Variants in SYNE3 observed in about 807,000 individuals in gnomAD.
SYNE3 encodes the protein nesprin-3.
A neutral mutation model predicts 111.2 loss-of-function variants in SYNE3; 100 were observed. That is an observed-to-expected ratio of 0.90 (90% CI 0.77 to 1.06). The LOEUF (loss-of-function observed/expected upper bound fraction) is 1.06, where lower values mean the gene tolerates loss of function less well. SYNE3 is among the 50% of genes least tolerant of loss of function. The pLI is 0.00. For synonymous variants in SYNE3, 547 were observed against 533.9 expected (o/e 1.02, Z -0.34); for missense variants, 1,160 against 1,240.3 (o/e 0.94, Z 0.97).
chr14:95,407,351 A>G lies in SYNE3; in HGVS notation c.*10475T>C, dbSNP rs2139309989. 1 of 152,316 alleles carries G rather than the reference A, an allele frequency of 6.6e-6. No homozygotes were observed. The highest frequency in any genetic ancestry group is 2.4e-5 in the African/African-American group (1 of 41,570). The allele number at this position is 152,316 out of a possible 1,614,324, so 9.4% of individuals were successfully genotyped here. ...CATAAAACAACAGCAAAAACGTCAA[A>G]CCATCTTTTAGAACACTGCTACTTC... is the stretch of plus-strand genomic sequence containing the variant. On this transcript the variant is annotated 3_prime_UTR_variant, in exon 18 of 18. Transcript: ENST00000682763.
intron 1 of SYNE3, among the ~76,000 whole-genome samples, chr14:95,515,959 C>T (rs1470597680): frequency 6.6e-6 from 1 of 152,218 alleles, no homozygotes; most frequent in Non-Finnish European, 1.5e-5. Context: ...CAGGGGAAGT[C>T]AACATCCATC....
rs71132351 is a variant in SYNE3, at chr14:95,479,224, C to CAAAAAAAAAAAAAAAAAAA, written c.-14-3408_-14-3390dup. ...CAGCATAGTGAGACCTCGTCTCTACCAAAAAAAAAAAAAAAAAAAAAAAAA... is the reference window on the plus strand; with the variant it reads ...CAGCATAGTGAGACCTCGTCTCTACCAAAAAAAAAAAAAAAAAAAAAAAAAAAAAAAAAAAAAAAAAAAA... On this transcript the variant is annotated intron_variant, in intron 1 of 17. Coordinates refer to ENST00000682763, the MANE Select transcript of SYNE3 (RefSeq NM_152592.6). Among the ~76,000 whole-genome samples the CAAAAAAAAAAAAAAAAAAA allele has an allele frequency of 3.7e-4, 32 of 86,294 alleles. 2 individuals are homozygous for CAAAAAAAAAAAAAAAAAAA. The Admixed American group carries it at 3.9e-3, about 11-fold the overall frequency. The allele number at this position is 86,294 out of a possible 152,430, so 56.6% of individuals were successfully genotyped here.
chr14:95,488,721 G>GAGAGGAGAGA (rs1889683840), intron 1 of SYNE3, among the ~76,000 whole-genome samples: 1 of 114,056 alleles, frequency 8.8e-6, no homozygotes, highest in African/African-American at 3.6e-5. Flanking sequence ...GAGAGGAGAG[G>GAGAGGAGAGA]AGAGGAGAGG....
intron 16 of SYNE3, 32 bp from the exon 17 acceptor site, chr14:95,432,149 G>A (rs770330739): frequency 2.9e-5 from 47 of 1,599,518 alleles, no homozygotes; most frequent in Non-Finnish European, 3.8e-5. Flanking sequence ...GGAAAAGGGG[G>A]GAAAAAAATA....
At chr14:95,494,876 G>A (rs541402438) in intron 1 of SYNE3, among the ~76,000 whole-genome samples, 1 of 152,130 alleles carries the variant, frequency 6.6e-6, no homozygotes, top group Non-Finnish European at 1.5e-5. Flanking sequence ...ACTTTGGGAG[G>A]CTGAGGTGTG....
chr14:95,484,508 T>G (rs1014109181), intron 1 of SYNE3, among the ~76,000 whole-genome samples: 6 of 152,154 alleles, frequency 3.9e-5, no homozygotes, highest in African/African-American at 1.4e-4. Context: ...GCACTGGCCA[T>G]CTGCTGCAGG....
chr14:95,422,838 C>A (rs982632873), intron 17 of SYNE3, among the ~76,000 whole-genome samples: 1 of 152,346 alleles, frequency 6.6e-6, no homozygotes, highest in South Asian at 2.1e-4. Flanking sequence ...CTGGCTTCCT[C>A]CTCCTGGGTG....
chr14:95,493,664 A>G (rs1889950445), intron 1 of SYNE3, among the ~76,000 whole-genome samples: 1 of 152,178 alleles, frequency 6.6e-6, no homozygotes, highest in Non-Finnish European at 1.5e-5. Context: ...TGCCTGGGAG[A>G]AGAGGGGTGG....
intron 1 of SYNE3, among the ~76,000 whole-genome samples, chr14:95,508,241 G>A (rs1441681508): frequency 6.6e-6 from 1 of 152,248 alleles, no homozygotes; most frequent in African/African-American, 2.4e-5. Context: ...GGGCTGTTGT[G>A]AGGATAAAGA....
chr14:95,441,502 A>C (rs1409420041), intron 11 of SYNE3, among the ~76,000 whole-genome samples: 1 of 152,248 alleles, frequency 6.6e-6, no homozygotes, highest in Non-Finnish European at 1.5e-5. Context: ...AAATAATAAA[A>C]GGGCAATTTC....
At chr14:95,474,289 T>TAGA (rs1888740824) in intron 2 of SYNE3, among the ~76,000 whole-genome samples, 1 of 152,216 alleles carries the variant, frequency 6.6e-6, no homozygotes, top group Admixed American at 6.5e-5. Flanking sequence ...CGGAAGGTTT[T>TAGA]AGAGGAAGAG....
rs1371959795 is a variant in SYNE3, at chr14:95,410,648, AC to A, written c.*7177del. On this transcript the variant is annotated 3_prime_UTR_variant, in exon 18 of 18. Coordinates refer to ENST00000682763, the MANE Select transcript of SYNE3 (RefSeq NM_152592.6). Reference sequence around the variant, plus strand: ...CAAAGCCTTGGCTCTGACATCCATAACCTGAGGAGACGATGCCAGCAACCGC... The same window carrying A: ...CAAAGCCTTGGCTCTGACATCCATAACTGAGGAGACGATGCCAGCAACCGC... The A allele has an allele frequency of 6.6e-6, 1 of 152,206 alleles. No homozygotes were observed. 9.4% of individuals were successfully genotyped at this position (152,206 alleles called of 1,614,324 possible). A position where few individuals can be genotyped will look rare whatever the true frequency, so the allele number is the denominator to read the frequency against.
In SYNE3 at chr14:95,473,020, G is replaced by A. The variant is rs978884736; in HGVS notation, c.144+2658C>T. ...AAGCACAAGAGAGACCCCAGCACCC[G>A]GGGGCAGGTCCCATGGGTAGGTCGA... On this transcript the variant is annotated intron_variant, in intron 2 of 17. Coordinates refer to ENST00000682763, the MANE Select transcript of SYNE3 (RefSeq NM_152592.6). Among the ~76,000 whole-genome samples, 9 of 152,202 alleles carry A rather than the reference G, an allele frequency of 5.9e-5. No homozygotes were observed. The South Asian group carries it at 6.2e-4, about 10-fold the overall frequency.
intron 1 of SYNE3, among the ~76,000 whole-genome samples, chr14:95,507,861 TG>T (rs1364373378): frequency 6.6e-6 from 1 of 152,094 alleles, no homozygotes; most frequent in Non-Finnish European, 1.5e-5. Context: ...GAGAAAAGGA[TG>T]TGGTCAGAGA....
chr14:95,421,850 G>A (rs561623774), intron 17 of SYNE3, among the ~76,000 whole-genome samples: 130 of 152,304 alleles, frequency 8.5e-4, no homozygotes, highest in Non-Finnish European at 1.6e-3. Context: ...AGGCTGTCCC[G>A]TGTGTCTGGA....
intron 15 of SYNE3, among the ~76,000 whole-genome samples, chr14:95,435,753 C>T (rs970276311): frequency 6.6e-6 from 1 of 152,062 alleles, no homozygotes; most frequent in Admixed American, 6.5e-5. Context: ...AATAGGGAAA[C>T]AGAAGTGAGC....
chr14:95,422,495 A>G lies in SYNE3; in HGVS notation c.2728-4469T>C, dbSNP rs574974961. Among the ~76,000 whole-genome samples the G allele has an allele frequency of 9.2e-5, 14 of 152,276 alleles. No homozygotes were observed. The South Asian group carries it at 2.9e-3, about 32-fold the overall frequency. On this transcript the variant is annotated intron_variant, in intron 17 of 17. Transcript: ENST00000682763. ...TCCCACGTGGCATTTCTCACAAGAA[A>G]CAGCAATTAGAACGACAACAAAAGT...
intron 6 of SYNE3, among the ~76,000 whole-genome samples, chr14:95,453,389 C>T (rs1022396091): frequency 2.0e-5 from 3 of 152,008 alleles, no homozygotes; most frequent in Non-Finnish European, 2.9e-5. Flanking sequence ...GGGTGACCCA[C>T]GGATGAACAG....
At chr14:95,435,251 AGAT>A (rs1183768249) in intron 15 of SYNE3, among the ~76,000 whole-genome samples, 2 of 150,928 alleles carry the variant, frequency 1.3e-5, no homozygotes, top group African/African-American at 4.9e-5. Flanking sequence ...GAAAAAAAAA[AGAT>A]AAGAAAAATG....
Sources: gnomAD v4.1 joint callset for allele counts (sites outside exome capture counted in the v4.1 genomes callset) on GRCh38, gnomAD v4.1.1 for gene constraint, MANE v1.5 for transcripts, NCBI Gene and HGNC (gene_info 2026-07-23, HGNC 2026-07-21) for gene names.